The following CWH43 variants were observed in gnomAD, a reference collection of about 807,000 sequenced individuals.
CWH43 encodes cell wall biogenesis 43 C-terminal homolog.
In CWH43, 91 loss-of-function variants were observed where a neutral mutation model predicts 85.7. The observed-to-expected ratio is 1.06, with a 90% CI of 0.90 to 1.26. The LOEUF (loss-of-function observed/expected upper bound fraction) is 1.26. Among genes scored for constraint, CWH43 ranks in the 50% most tolerant of loss-of-function variants. The probability of loss-of-function intolerance (pLI) is 0.00; values close to 1 mark genes in which losing one functional copy is unlikely to be tolerated. For synonymous variants in CWH43, 323 were observed against 293.6 expected, an observed-to-expected ratio of 1.10 and a Z score of -1.02; for missense variants, 869 against 839.2, an observed-to-expected ratio of 1.04 and a Z score of -0.44.
chr4:49,001,487 A>C (rs2109757582), intron 6 of CWH43, among the ~76,000 whole-genome samples: 1 of 152,248 alleles, frequency 6.6e-6, no homozygotes, highest in African/African-American at 2.4e-5. Flanking sequence ...ATTGGTGTAC[A>C]AAAAGGAAGG....
chr4:49,037,338 G>A (rs904930019), intron 12 of CWH43, among the ~76,000 whole-genome samples: 1 of 152,222 alleles, frequency 6.6e-6, no homozygotes, highest in Non-Finnish European at 1.5e-5. Context: ...TGGGAAACAA[G>A]GTGGGTGGAT....
At chr4:49,037,569 C>CAAA (rs5858140) in intron 12 of CWH43, among the ~76,000 whole-genome samples, 8 of 142,306 alleles carry the variant, frequency 5.6e-5, no homozygotes, top group Non-Finnish European at 4.6e-5. Flanking sequence ...GACTCTGTCT[C>CAAA]AAAAAAAAAA....
intron 13 of CWH43, among the ~76,000 whole-genome samples, chr4:49,042,303 G>A (rs1784487417): frequency 6.6e-6 from 1 of 152,200 alleles, no homozygotes; most frequent in South Asian, 2.1e-4. Context: ...TATCCCAAGA[G>A]AACAAGAAAA....
chr4:49,061,732 T>C (rs1179984464), intron 15 of CWH43, 80 bp from the exon 16 acceptor site: 8 of 1,131,172 alleles, frequency 7.1e-6, no homozygotes, highest in Non-Finnish European at 9.3e-6. Context: ...TATTTTATGA[T>C]TGAAATTTTA....
intron 12 of CWH43, among the ~76,000 whole-genome samples, chr4:49,037,273 A>G (rs1269745534): frequency 6.6e-6 from 1 of 152,236 alleles, no homozygotes; most frequent in Admixed American, 6.5e-5. Context: ...GGAGGCTTTC[A>G]GAAAGTGTTC....
At chr4:49,009,670 G>T (rs887004731) in intron 8 of CWH43, among the ~76,000 whole-genome samples, 2 of 152,114 alleles carry the variant, frequency 1.3e-5, no homozygotes, top group African/African-American at 4.8e-5. Flanking sequence ...AGTTTATTGA[G>T]GGTTTTTAGC....
chr4:49,021,919 C>T (rs1231412762), intron 9 of CWH43, among the ~76,000 whole-genome samples: 1 of 152,060 alleles, frequency 6.6e-6, no homozygotes, highest in Admixed American at 6.6e-5. Flanking sequence ...TGAAACTTTG[C>T]TGAATTCATT....
chr4:49,058,388 A>T (rs1484276857), intron 15 of CWH43, among the ~76,000 whole-genome samples: 1 of 152,166 alleles, frequency 6.6e-6, no homozygotes, highest in East Asian at 1.9e-4. Context: ...ATTTTATGTT[A>T]TTGATGTCAC....
In CWH43 at chr4:48,998,686, A is replaced by T. The variant is rs1481384895; in HGVS notation, c.802+138A>T. The T allele has an allele frequency of 4.5e-6, 3 of 667,672 alleles. No homozygotes were observed. In the African/African-American group the frequency reaches 5.3e-5, roughly 12 times the overall value. 41.4% of individuals were successfully genotyped at this position (667,672 alleles called of 1,614,324 possible). On this transcript the variant is annotated intron_variant, in intron 6 of 15. Coordinates refer to ENST00000226432, the MANE Select transcript of CWH43 (RefSeq NM_025087.3). ...GCCAAATGGGCTGTTGTAAACAGCA[A>T]CTATAATGCAGATGTCACCAAGGTC...
chr4:49,021,901 T>C (rs188431419), intron 9 of CWH43, among the ~76,000 whole-genome samples: 16 of 152,360 alleles, frequency 1.1e-4, no homozygotes, highest in Admixed American at 1.0e-3. Context: ...TACACTAATT[T>C]TGTATCTTGA....
In CWH43 at chr4:49,040,964, T is replaced by C. The variant is rs1299402266; in HGVS notation, c.1803+2784T>C. ...TCCAGTTTCAGCTTTCTGCATATGG[T>C]TAGCCAGTTTTCCCAGCACCATTTA... On this transcript the variant is annotated intron_variant, in intron 13 of 15. Transcript: ENST00000226432. 1.7e-4 allele frequency among the ~76,000 whole-genome samples: 26 copies of C among 152,276 alleles called. No individual in the cohort carries two copies. The South Asian group carries it at 5.0e-3, about 29-fold the overall frequency.
intron 6 of CWH43, among the ~76,000 whole-genome samples, chr4:49,001,831 A>G (rs1301197639): frequency 2.0e-5 from 3 of 152,160 alleles, no homozygotes; most frequent in Non-Finnish European, 4.4e-5. Context: ...TTAGAATATC[A>G]AATTCGGGAT....
At chr4:49,032,470 G>A in intron 11 of CWH43, 96 bp from the exon 12 acceptor site, 1 of 1,358,928 alleles carries the variant, frequency 7.4e-7, no homozygotes. Flanking sequence ...GATGTGTGCA[G>A]TGGGACACAT....
rs1782760758 is a variant in CWH43 at position 48,994,804 on chromosome 4, G to C, written c.697G>C (p.Asp233His). Reference protein sequence around the residue: ...AVSGHPHPGPDPNPFGGAVLL... With the variant: ...AVSGHPHPGPHPNPFGGAVLL... ...GAGTGGGCATCCACATCCAGGGCCA[G>C]ATCCTAACCCATTTGGGTGAGTTTG... Residue 233 changes from aspartate to histidine, a missense_variant, in exon 5 of 16, where the codon GAT becomes CAT. Asp to His is a moderately conservative substitution (Grantham distance 81). This residue lies in a region of CWH43 where 152 missense variants were observed against 203.6 expected (regional missense o/e 0.75). Coordinates refer to ENST00000226432, the MANE Select transcript of CWH43 (RefSeq NM_025087.3). The C allele has an allele frequency of 6.2e-7, 1 of 1,613,916 alleles. No homozygotes were observed. The highest frequency in any genetic ancestry group is 8.5e-7 in the Non-Finnish European group (1 of 1,180,020).
chr4:48,991,899 A>T, intron 3 of CWH43, 37 bp from the exon 4 acceptor site: 2 of 1,561,968 alleles, frequency 1.3e-6, no homozygotes, highest in Non-Finnish European at 8.8e-7. Flanking sequence ...CATTGAGTCC[A>T]CATAAAAAGT....
intron 8 of CWH43, among the ~76,000 whole-genome samples, chr4:49,012,039 G>C (rs540237085): frequency 7.1e-4 from 108 of 152,248 alleles, no homozygotes; most frequent in Admixed American, 1.1e-3. Context: ...GGTTGGGGAA[G>C]TTCTTCTGGA....
intron 9 of CWH43, among the ~76,000 whole-genome samples, chr4:49,026,285 G>A (rs1783914003): frequency 6.6e-6 from 1 of 152,216 alleles, no homozygotes; most frequent in African/African-American, 2.4e-5. Context: ...AAGCCTCCCA[G>A]CTGAGAAAGC....
intron 9 of CWH43, among the ~76,000 whole-genome samples, chr4:49,027,615 G>T (rs1783956173): frequency 6.6e-6 from 1 of 152,000 alleles, no homozygotes; most frequent in Admixed American, 6.6e-5. Flanking sequence ...TTTGATAAAG[G>T]CATGCAATGT....
At chr4:49,059,541 C>T (rs752545875) in intron 15 of CWH43, among the ~76,000 whole-genome samples, 10 of 152,266 alleles carry the variant, frequency 6.6e-5, no homozygotes, top group Non-Finnish European at 1.2e-4. Context: ...GCCCTGGTAT[C>T]TGTACATTTG....
Sources: gnomAD v4.1 joint callset for allele counts (sites outside exome capture counted in the v4.1 genomes callset) on GRCh38, gnomAD v4.1.1 for gene constraint, gnomAD v4.1.1 regional missense constraint, MANE v1.5 for transcripts, NCBI Gene and HGNC (gene_info 2026-07-23, HGNC 2026-07-21) for gene names.